The following IL7 variants were observed in gnomAD, a reference collection of about 807,000 sequenced individuals.
The protein encoded by IL7 is interleukin 7.
A neutral mutation model predicts 21.6 loss-of-function variants in IL7; 3 were observed. The observed-to-expected ratio is 0.14, with a 90% CI of 0.06 to 0.36. The LOEUF is 0.36. IL7 is among the 10% of genes least tolerant of loss of function. The probability of loss-of-function intolerance (pLI) is 1.00; values close to 1 mark genes in which losing one functional copy is unlikely to be tolerated. For missense variants in IL7, 175 were observed against 200.2 expected (o/e 0.87, Z 0.76); for synonymous variants, 62 against 68.1 (o/e 0.91, Z 0.44).
At chr8:78,745,092 T>A (rs1223883466) in intron 2 of IL7, among the ~76,000 whole-genome samples, 3 of 152,224 alleles carry the variant, frequency 2.0e-5, no homozygotes, top group Admixed American at 2.0e-4. Context: ...ACGAGCTGCT[T>A]CTAGTTGGCC....
intron 3 of IL7, among the ~76,000 whole-genome samples, chr8:78,705,474 C>T (rs1310176057): frequency 6.6e-6 from 1 of 152,144 alleles, no homozygotes; most frequent in Non-Finnish European, 1.5e-5. Context: ...TTAGGGATGC[C>T]TCAAACCTCT....
intron 2 of IL7, among the ~76,000 whole-genome samples, chr8:78,788,067 A>T (rs1224740663): frequency 1.3e-5 from 2 of 152,100 alleles, no homozygotes; most frequent in Non-Finnish European, 2.9e-5. Context: ...TTACCTCATT[A>T]TCTTTATAAT....
At chr8:78,687,240 T>C (rs570934631) in intron 3 of IL7, among the ~76,000 whole-genome samples, 1 of 152,068 alleles carries the variant, frequency 6.6e-6, no homozygotes, top group East Asian at 1.9e-4. Context: ...AAAGAGGTTG[T>C]TAATGTAACA....
chr8:78,769,850 G>A (rs1812893244), intron 2 of IL7, among the ~76,000 whole-genome samples: 5 of 152,072 alleles, frequency 3.3e-5, no homozygotes, highest in Admixed American at 2.0e-4. Context: ...TAGACCAATG[G>A]AACAGAACAG....
chr8:78,709,776 G>A (rs1053209827), intron 3 of IL7, among the ~76,000 whole-genome samples: 1 of 151,902 alleles, frequency 6.6e-6, no homozygotes, highest in African/African-American at 2.4e-5. Flanking sequence ...TTTGTATAGG[G>A]CCCCATTCAA....
chr8:78,687,916 T>TAA (rs1338725583), intron 3 of IL7, among the ~76,000 whole-genome samples: 7 of 140,922 alleles, frequency 5.0e-5, no homozygotes, highest in African/African-American at 1.6e-4. Context: ...TATATAAATA[T>TAA]ATAATTATTT....
intron 2 of IL7, chr8:78,760,139 C>T: frequency 1.3e-6 from 2 of 1,510,420 alleles, no homozygotes; most frequent in Non-Finnish European, 1.8e-6. Context: ...TTTTAAAAGT[C>T]TCTTAGGTAT....
At chr8:78,683,064 G>C (rs1415101852) in intron 4 of IL7, among the ~76,000 whole-genome samples, 1 of 152,226 alleles carries the variant, frequency 6.6e-6, no homozygotes, top group Non-Finnish European at 1.5e-5. Flanking sequence ...CTACCCCTTT[G>C]TCTTTGCAGG....
At chr8:78,800,661 T>C (rs1407524296) in intron 1 of IL7, among the ~76,000 whole-genome samples, 2 of 152,232 alleles carry the variant, frequency 1.3e-5, no homozygotes, top group African/African-American at 2.4e-5. Context: ...TTGCTAATTA[T>C]TCACCAGATT....
chr8:78,697,059 G>T (rs1810444747), intron 3 of IL7, among the ~76,000 whole-genome samples: 1 of 152,072 alleles, frequency 6.6e-6, no homozygotes, highest in African/African-American at 2.4e-5. Flanking sequence ...AAACCTTTGA[G>T]GTGATATATT....
intron 3 of IL7, among the ~76,000 whole-genome samples, chr8:78,727,734 G>A (rs1811362692): frequency 6.6e-6 from 1 of 151,822 alleles, no homozygotes; most frequent in African/African-American, 2.4e-5. Flanking sequence ...ACATCAGAAA[G>A]TAAGTTGACA....
chr8:78,748,952 C>A (rs1812073836), intron 2 of IL7, among the ~76,000 whole-genome samples: 1 of 152,010 alleles, frequency 6.6e-6, no homozygotes, highest in African/African-American at 2.4e-5. Context: ...TGTTCATAAA[C>A]AAGTGGTAAA....
chr8:78,741,676 A>G (rs1811786121), intron 2 of IL7, among the ~76,000 whole-genome samples: 1 of 152,196 alleles, frequency 6.6e-6, no homozygotes, highest in Admixed American at 6.5e-5. Flanking sequence ...ATGTTATACC[A>G]GTTGATTATT....
intron 2 of IL7, chr8:78,746,829 A>G (rs951958233): frequency 1.7e-5 from 6 of 345,868 alleles, no homozygotes; most frequent in African/African-American, 1.3e-4. Context: ...TAGATCAACT[A>G]ATTGTCCAAA....
chr8:78,736,196 C>T (rs546056953), intron 5 of IL7, among the ~76,000 whole-genome samples: 5 of 149,742 alleles, frequency 3.3e-5, no homozygotes, highest in East Asian at 1.9e-4. Flanking sequence ...ATTTCTTTTA[C>T]GTGCTAGCTG....
chr8:78,747,220 CTGTTGCCCAGG>C (rs1563418540), intron 2 of IL7: 3 of 326,564 alleles, frequency 9.2e-6, no homozygotes, highest in Non-Finnish European at 1.6e-5. Flanking sequence ...GAGATGGGGT[CTGTTGCCCAGG>C]CTGGAGTGCA....
At chr8:78,787,670 T>G (rs1323522803) in intron 2 of IL7, among the ~76,000 whole-genome samples, 1 of 152,176 alleles carries the variant, frequency 6.6e-6, no homozygotes, top group Non-Finnish European at 1.5e-5. Context: ...GTGTTTTGCT[T>G]TTCATAGAGA....
chr8:78,750,192 T>G (rs1812118990), intron 2 of IL7, among the ~76,000 whole-genome samples: 1 of 151,962 alleles, frequency 6.6e-6, no homozygotes, highest in South Asian at 2.1e-4. Flanking sequence ...TCCTCTAGTT[T>G]TTCACATGTT....
intron 1 of IL7, among the ~76,000 whole-genome samples, chr8:78,802,208 T>A (rs767212974): frequency 2.7e-4 from 41 of 152,314 alleles, no homozygotes; most frequent in Non-Finnish European, 2.5e-4. Flanking sequence ...GGGGTCAAAG[T>A]TAACATAAAT....
Sources: gnomAD v4.1 joint callset for allele counts (sites outside exome capture counted in the v4.1 genomes callset) on GRCh38, gnomAD v4.1.1 for gene constraint, MANE v1.5 for transcripts, NCBI Gene and HGNC (gene_info 2026-07-23, HGNC 2026-07-21) for gene names.